Variants in DNAH6 observed in about 807,000 individuals in gnomAD.
DNAH6 encodes dynein axonemal heavy chain 6.
DNAH6 carries 340 observed loss-of-function variants against 491.4 expected under a neutral mutation model. The observed-to-expected ratio is 0.69, with a 90% CI of 0.63 to 0.76. The LOEUF (loss-of-function observed/expected upper bound fraction) is 0.76, where lower values mean the gene tolerates loss of function less well. Among genes scored for constraint, DNAH6 ranks in the 30% least tolerant of loss-of-function variants. The pLI, the probability that DNAH6 is intolerant of heterozygous loss-of-function variation, is 0.00. For synonymous variants in DNAH6, 1,603 were observed against 1,686.1 expected (o/e 0.95, Z 1.21); for missense variants, 4,443 against 4,972.2 (o/e 0.89, Z 3.20).
At position 84,781,525 on chromosome 2, in the gene DNAH6, G is replaced by A; in HGVS notation, c.10736G>A (p.Gly3579Glu). The A allele has an allele frequency of 3.2e-6, 5 of 1,551,484 alleles. No individual in the cohort carries two copies. Among genetic ancestry groups the A allele is most frequent in the Middle Eastern group, 1.7e-4 (1 of 5,988 alleles). The change falls in exon 65 of 77, where the codon GGA becomes GAA. Residue 3579 changes from glycine to glutamate, a missense_variant. Physicochemically the swap from Gly to Glu is moderately conservative, Grantham distance 98 (BLOSUM62 -2). This residue lies in a region of DNAH6 where 1,463 missense variants were observed against 1,656.6 expected (regional missense o/e 0.88). Transcript: ENST00000389394. ...TCAATTTCACTGGGGCAAGGACAAG[G>A]ACCTATTGCTGAAAAAATGGTCAAG... ...VQSISLGQGQ[G>E]PIAEKMVKDA...
rs1378295314 is a variant in DNAH6, at chr2:84,710,402, T to C, written c.9368T>C (p.Leu3123Ser). ...TCAATCCGACTTGGTTTACCTGTCT[T>C]ACTGGAAGAGGTTTGATTTTCACTT... The part of the protein sequence containing the change: ...ENSIRLGLPV[L>S]LEELKETLDP... Residue 3123 changes from leucine (L) to serine (S), a missense_variant, in exon 56 of 77, where the codon TTA (leucine) becomes TCA (serine). Around this residue, in one of 3 missense-constraint regions of DNAH6, gnomAD observed 1,463 missense variants for 1,656.6 expected, o/e 0.88. Coordinates refer to ENST00000389394, the MANE Select transcript of DNAH6 (RefSeq NM_001370.2). 3.2e-6 allele frequency: 5 copies of C among 1,551,642 alleles called. No homozygotes were observed. The highest frequency in any genetic ancestry group is 1.4e-5 in the African/African-American group (1 of 73,042).
rs75899329 is a variant in DNAH6, at chr2:84,731,682, G to A, written c.10207-1762G>A. 3.6e-3 allele frequency among the ~76,000 whole-genome samples: 551 copies of A among 152,286 alleles called. 9 individuals carry two copies. Among genetic ancestry groups the A allele is most frequent in the East Asian group, 0.015 (78 of 5,182 alleles). On this transcript the variant is annotated intron_variant, in intron 61 of 76. Coordinates refer to ENST00000389394, the MANE Select transcript of DNAH6 (RefSeq NM_001370.2). ...GGAAAAGTTTAAGCCTAATGATGCT[G>A]TCTAAAACAATAAAGTTTGTAGTGA...
At position 84,621,434 on chromosome 2, in the gene DNAH6, G is replaced by A; in HGVS notation, c.3958-4G>A. 1.9e-6 allele frequency: 3 copies of A among 1,542,270 alleles called. No individual in the cohort carries two copies. Among genetic ancestry groups the A allele is most frequent in the Non-Finnish European group, 2.6e-6 (3 of 1,138,954 alleles). Reference sequence around the variant, plus strand: ...ACATATTTAAGAAACATGTTTTCTTGCAGGTTATCCTGACTGTTTCTCAAA... The same window carrying A: ...ACATATTTAAGAAACATGTTTTCTTACAGGTTATCCTGACTGTTTCTCAAA... On this transcript the variant is annotated splice_region_variant and splice_polypyrimidine_tract_variant and intron_variant, in intron 25 of 76. Coordinates refer to ENST00000389394, the MANE Select transcript of DNAH6 (RefSeq NM_001370.2).
chr2:84,801,749 T>A lies in DNAH6; in HGVS notation c.11482-3916T>A, dbSNP rs577580637. Among the ~76,000 whole-genome samples, 5 of 150,938 alleles carry A rather than the reference T, an allele frequency of 3.3e-5. No homozygotes were observed. The East Asian group carries it at 7.8e-4, about 23-fold the overall frequency. On this transcript the variant is annotated intron_variant, in intron 70 of 76. Coordinates refer to ENST00000389394, the MANE Select transcript of DNAH6 (RefSeq NM_001370.2). The stretch of plus-strand genomic sequence containing the variant: ...AATACAAAAAATTAGCTGGACGTGG[T>A]GGTGTGAACCTGTAATCCCAGCTAC...
chr2:84,682,493 T>G (rs1693879468), intron 42 of DNAH6, among the ~76,000 whole-genome samples: 1 of 152,168 alleles, frequency 6.6e-6, no homozygotes, highest in Non-Finnish European at 1.5e-5. Flanking sequence ...AGTGCCTGCC[T>G]CTAGCTCCCA....
chr2:84,744,896 G>T (rs1467531561), intron 62 of DNAH6, among the ~76,000 whole-genome samples, 184 bp from the exon 63 acceptor site: 1 of 151,954 alleles, frequency 6.6e-6, no homozygotes, highest in Non-Finnish European at 1.5e-5. Flanking sequence ...GCTATTTTCT[G>T]ATTACATTTT....
chr2:84,478,406 G>A, the DNAH6 span, among the ~76,000 whole-genome samples: 6 of 152,094 alleles, frequency 3.9e-5, no homozygotes, highest in Non-Finnish European at 8.8e-5. Flanking sequence ...AAAAAATGAG[G>A]ACAAGGAACT....
chr2:84,767,688 C>A (rs1675219423), intron 64 of DNAH6, among the ~76,000 whole-genome samples: 1 of 151,862 alleles, frequency 6.6e-6, no homozygotes, highest in South Asian at 2.1e-4. Context: ...GATACAGTGA[C>A]AAGATCTATT....
chr2:84,527,593 G>C (rs1676726138), intron 3 of DNAH6, among the ~76,000 whole-genome samples: 1 of 152,190 alleles, frequency 6.6e-6, no homozygotes, highest in South Asian at 2.1e-4. Context: ...GGTGATGTGT[G>C]TTTTCTCTGG....
chr2:84,576,106 A>G (rs1048407332), intron 12 of DNAH6, among the ~76,000 whole-genome samples: 1 of 152,204 alleles, frequency 6.6e-6, no homozygotes, highest in African/African-American at 2.4e-5. Flanking sequence ...ATAAATTTGG[A>G]AAATACTAAA....
At position 84,529,158 on chromosome 2, in the gene DNAH6, T is replaced by C; in HGVS notation, c.654T>C (p.Tyr218=). 7 of 1,536,598 alleles carry C rather than the reference T, an allele frequency of 4.6e-6. No homozygotes were observed. The highest frequency in any genetic ancestry group is 6.2e-6 in the Non-Finnish European group (7 of 1,136,930). Residue 218 remains tyrosine (Y), a synonymous_variant, in exon 4 of 77, where the codon TAT becomes TAC. Coordinates refer to ENST00000389394, the MANE Select transcript of DNAH6 (RefSeq NM_001370.2). ...GATCATCCATTGAATATGATACATA[T>C]AATCTAAAGTGAGTTATTTTTTATG... ...VPRSSIEYDT[Y]NLKVVSYENI... is the part of the protein sequence containing the mutation.
At chr2:84,466,800 A>T in the DNAH6 span, among the ~76,000 whole-genome samples, 5 of 152,252 alleles carry the variant, frequency 3.3e-5, no homozygotes, top group African/African-American at 1.2e-4. Flanking sequence ...TTTGTGGATG[A>T]CAAAACGTCT....
At position 84,700,040 on chromosome 2, in the gene DNAH6, G is replaced by A. The variant is rs149720856; in HGVS notation, c.7818+306G>A. ...GAGAAATCTGAGTCAGTGGTTATAG[G>A]CAACACTTTTGAGTTTTGCCCCAAA... On this transcript the variant is annotated intron_variant, in intron 48 of 76. Transcript: ENST00000389394. 3.3e-5 allele frequency among the ~76,000 whole-genome samples: 5 copies of A among 152,300 alleles called. No homozygotes were observed. The East Asian group carries it at 9.6e-4, about 29-fold the overall frequency.
intron 72 of DNAH6, among the ~76,000 whole-genome samples, chr2:84,810,351 G>A (rs1679849475): frequency 1.3e-5 from 2 of 152,170 alleles, no homozygotes; most frequent in Non-Finnish European, 1.5e-5. Flanking sequence ...GTGAACAAAT[G>A]TGACTCTCAG....
At chr2:84,539,229 C>A (rs998239529) in intron 4 of DNAH6, among the ~76,000 whole-genome samples, 2 of 152,066 alleles carry the variant, frequency 1.3e-5, no homozygotes, top group Admixed American at 6.6e-5. Context: ...ACAAGCATTT[C>A]TCTTCCCTGG....
chr2:84,734,389 C>T (rs1398219267), intron 62 of DNAH6, among the ~76,000 whole-genome samples: 1 of 152,040 alleles, frequency 6.6e-6, no homozygotes, highest in African/African-American at 2.4e-5. Context: ...ATCCGCCTGC[C>T]TCGGCCTCCC....
chr2:84,547,837 G>A (rs537266771), intron 7 of DNAH6, among the ~76,000 whole-genome samples: 2 of 152,198 alleles, frequency 1.3e-5, no homozygotes, highest in South Asian at 2.1e-4. Flanking sequence ...TTCTAAACTG[G>A]ATACAGAATC....
At chr2:84,579,083 G>A (rs7568755) in intron 13 of DNAH6, among the ~76,000 whole-genome samples, 10,373 of 152,118 alleles carry the variant, frequency 0.068, 1,155 homozygotes, top group African/African-American at 0.24. Context: ...TTATAGTAGC[G>A]TGAAAATCTT....
chr2:84,803,379 T>C (rs767388633), intron 70 of DNAH6, among the ~76,000 whole-genome samples: 12 of 152,176 alleles, frequency 7.9e-5, no homozygotes, highest in South Asian at 6.2e-4. Flanking sequence ...TGAAGTTCAA[T>C]AGAAGCCCAA....
Sources: allele counts gnomAD v4.1 joint callset (sites outside exome capture counted in the v4.1 genomes callset), GRCh38; gene constraint gnomAD v4.1.1; regional missense constraint gnomAD v4.1.1; transcripts MANE v1.5; gene names NCBI Gene and HGNC (gene_info 2026-07-23, HGNC 2026-07-21).